SNX4: variants seen among roughly 807,000 people sequenced by gnomAD.
SNX4 encodes sorting nexin-4.
Under a neutral mutation model 70.8 loss-of-function variants are expected in SNX4, and 49 were observed. The ratio of observed to expected loss-of-function variants is 0.69; its 90% CI spans 0.55 to 0.88. The LOEUF (loss-of-function observed/expected upper bound fraction) is 0.88. Among genes scored for constraint, SNX4 ranks in the 40% least tolerant of loss-of-function variants. The pLI is 0.00. For missense variants in SNX4, 528 were observed against 544.8 expected (o/e 0.97, Z 0.31); for synonymous variants, 206 against 183.8 (o/e 1.12, Z -0.98).
chr3:125,506,835 A>G (rs1205393680), intron 1 of SNX4, among the ~76,000 whole-genome samples: 2 of 136,974 alleles, frequency 1.5e-5, no homozygotes, highest in African/African-American at 6.3e-5. Flanking sequence ...AAAAAAAAAA[A>G]AAAAAAAAAA....
chr3:125,470,812 T>C (rs1934150357), intron 8 of SNX4, among the ~76,000 whole-genome samples: 1 of 152,212 alleles, frequency 6.6e-6, no homozygotes, highest in African/African-American at 2.4e-5. Context: ...TATTTGTTTA[T>C]ATTTCTGTAC....
At chr3:125,516,071 C>T (rs113702160) in intron 1 of SNX4, among the ~76,000 whole-genome samples, 4 of 152,154 alleles carry the variant, frequency 2.6e-5, no homozygotes, top group East Asian at 1.9e-4. Context: ...TCAATGTGCA[C>T]GGGAATTTTT....
intron 1 of SNX4, among the ~76,000 whole-genome samples, chr3:125,515,897 G>C (rs78692093): frequency 0.048 from 7,318 of 152,094 alleles, 415 homozygotes; most frequent in African/African-American, 0.13. Context: ...TAAAAAATTA[G>C]TGAGTATGAT....
intron 7 of SNX4, among the ~76,000 whole-genome samples, chr3:125,479,880 A>T (rs1934370818): frequency 6.6e-6 from 1 of 152,208 alleles, no homozygotes; most frequent in African/African-American, 2.4e-5. Flanking sequence ...AAGAGCACAG[A>T]CACAGGATGG....
chr3:125,491,460 T>C (rs1461075550), intron 5 of SNX4, among the ~76,000 whole-genome samples: 1 of 152,224 alleles, frequency 6.6e-6, no homozygotes, highest in East Asian at 1.9e-4. Context: ...AAGTCACCAA[T>C]TTACCAATTT....
intron 6 of SNX4, among the ~76,000 whole-genome samples, chr3:125,482,070 G>A (rs990418860): frequency 6.6e-6 from 1 of 152,068 alleles, no homozygotes; most frequent in Admixed American, 6.6e-5. Context: ...CATCCTTAAA[G>A]TGCTGGCTTT....
intron 1 of SNX4, among the ~76,000 whole-genome samples, chr3:125,507,552 C>A (rs1935077315): frequency 6.6e-6 from 1 of 152,148 alleles, no homozygotes; most frequent in Admixed American, 6.5e-5. Context: ...AGAAGCTTGA[C>A]AAATTCCAAA....
Position 125,453,851 on chromosome 3 carries a change from A to G in SNX4, c.1149T>C (p.Asn383=). Residue 383 remains asparagine (N), a synonymous_variant, in exon 12 of 14, where the codon AAT becomes AAC. Coordinates refer to ENST00000251775, the MANE Select transcript of SNX4 (RefSeq NM_003794.4). The part of the protein sequence containing the change: ...ARIKVLEEQI[N]EGEQQLKSKN... Reference sequence around the variant, plus strand: ...TAGACTTTAGCTGTTGTTCTCCTTCATTTATTTGTTCTTCTAGCACCTTTA... The same window carrying G: ...TAGACTTTAGCTGTTGTTCTCCTTCGTTTATTTGTTCTTCTAGCACCTTTA... 1 of 1,613,878 alleles carries G rather than the reference A, an allele frequency of 6.2e-7. No individual in the cohort carries two copies. The highest frequency in any genetic ancestry group is 8.5e-7 in the Non-Finnish European group (1 of 1,179,892).
intron 9 of SNX4, among the ~76,000 whole-genome samples, chr3:125,465,643 TTTTTA>T (rs1472581151): frequency 6.6e-6 from 1 of 152,092 alleles, no homozygotes; most frequent in Non-Finnish European, 1.5e-5. Flanking sequence ...AAACTTTTAC[TTTTTA>T]TTTTATTTTT....
intron 5 of SNX4, among the ~76,000 whole-genome samples, chr3:125,495,699 G>A (rs1041805554): frequency 4.6e-5 from 7 of 151,886 alleles, no homozygotes; most frequent in African/African-American, 1.2e-4. Flanking sequence ...CTAAAGTTAC[G>A]GCCAAAAACT....
intron 8 of SNX4, among the ~76,000 whole-genome samples, chr3:125,475,019 T>A (rs1934258882): frequency 6.6e-6 from 1 of 152,192 alleles, no homozygotes; most frequent in African/African-American, 2.4e-5. Flanking sequence ...TATAATACTA[T>A]TTGTCTTTCT....
At chr3:125,452,514 T>C (rs1450550667) in intron 12 of SNX4, among the ~76,000 whole-genome samples, 1 of 152,112 alleles carries the variant, frequency 6.6e-6, no homozygotes, top group Non-Finnish European at 1.5e-5. Flanking sequence ...CCCTGGACTT[T>C]GAGGTGGCAG....
intron 6 of SNX4, among the ~76,000 whole-genome samples, chr3:125,480,718 C>T (rs572759568): frequency 6.6e-6 from 1 of 152,252 alleles, no homozygotes; most frequent in South Asian, 2.1e-4. Context: ...CTATTAACTG[C>T]CATTTTCCAT....
chr3:125,488,335 C>T (rs911342285), intron 6 of SNX4, among the ~76,000 whole-genome samples: 3 of 151,720 alleles, frequency 2.0e-5, no homozygotes, highest in Non-Finnish European at 2.9e-5. Flanking sequence ...ATTAACTGGG[C>T]GTTGTAGGGG....
At chr3:125,498,928 C>A (rs1289126333) in intron 2 of SNX4, among the ~76,000 whole-genome samples, 1 of 152,118 alleles carries the variant, frequency 6.6e-6, no homozygotes, top group Non-Finnish European at 1.5e-5. Flanking sequence ...ATAACATTCA[C>A]AACAAAGACC....
chr3:125,497,817 AAAT>A lies in SNX4; in HGVS notation c.549+14_549+16del, dbSNP rs1559822186. On this transcript the variant is annotated intron_variant, in intron 4 of 13. Coordinates refer to ENST00000251775, the MANE Select transcript of SNX4 (RefSeq NM_003794.4). ...ATTAAATGAATATTTTACTAAGACT[AAAT>A]AAAAGAAAAATACCTGTGTTAAAAA... The A allele has an allele frequency of 2.6e-6, 4 of 1,544,554 alleles. No homozygotes were observed. In the East Asian group the frequency reaches 9.0e-5, roughly 35 times the overall value.
At chr3:125,474,360 T>C (rs1007245817) in intron 8 of SNX4, among the ~76,000 whole-genome samples, 7 of 152,162 alleles carry the variant, frequency 4.6e-5, no homozygotes, top group African/African-American at 1.7e-4. Flanking sequence ...CTCTGTCACC[T>C]GGGCTGGAGT....
intron 10 of SNX4, among the ~76,000 whole-genome samples, chr3:125,459,811 G>A (rs114537035): frequency 0.038 from 5,761 of 152,156 alleles, 247 homozygotes; most frequent in African/African-American, 0.092. Flanking sequence ...GAAGGAAAAC[G>A]AGCTAACAAT....
intron 8 of SNX4, among the ~76,000 whole-genome samples, chr3:125,470,134 T>C (rs541619295): frequency 9.8e-5 from 15 of 152,312 alleles, no homozygotes; most frequent in Admixed American, 5.2e-4. Flanking sequence ...TATAGTAAAC[T>C]GGGAAAATAA....
Sources: gnomAD v4.1 joint callset for allele counts (sites outside exome capture counted in the v4.1 genomes callset) on GRCh38, gnomAD v4.1.1 for gene constraint, MANE v1.5 for transcripts, NCBI Gene and HGNC (gene_info 2026-07-23, HGNC 2026-07-21) for gene names.